MGAT5: variants seen among roughly 807,000 people sequenced by gnomAD.
The protein encoded by MGAT5 is alpha-1,6-mannosylglycoprotein 6-beta-N-acetylglucosaminyltransferase, also known as alpha-1,6-mannosylglycoprotein 6-beta-N-acetylglucosaminyltransferase A.
In MGAT5, 30 loss-of-function variants were observed where a neutral mutation model predicts 94.3. The observed-to-expected ratio is 0.32, with a 90% CI of 0.24 to 0.43. The LOEUF (loss-of-function observed/expected upper bound fraction) is 0.43, where lower values mean the gene tolerates loss of function less well. Ranked by LOEUF, MGAT5 falls within the 20% of genes least tolerant of loss-of-function variation. The pLI is 1.00. For missense variants in MGAT5, 691 were observed against 905.5 expected, an observed-to-expected ratio of 0.76 and a Z score of 3.04; for synonymous variants, 310 against 322.9, an observed-to-expected ratio of 0.96 and a Z score of 0.43.
rs1296311175 is a variant in MGAT5, at chr2:134,130,212, A to G, written c.-143+9921A>G. Reference sequence around the variant, plus strand: ...GCCATGCTGGAGCCCGCCCCGCCCCACACCGCCCCACACCGCCCCACACCG... The same window carrying G: ...GCCATGCTGGAGCCCGCCCCGCCCCGCACCGCCCCACACCGCCCCACACCG... On this transcript the variant is annotated intron_variant, in intron 1 of 16. Transcript: ENST00000409645. Among the ~76,000 whole-genome samples, 21 of 35,252 alleles carry G rather than the reference A, an allele frequency of 6.0e-4. No homozygotes were observed. The South Asian group carries it at 8.3e-3, about 14-fold the overall frequency. 23.1% of individuals were successfully genotyped at this position (35,252 alleles called of 152,430 possible).
Position 134,212,331 on chromosome 2 carries a change from G to A in MGAT5, c.-142-41931G>A, listed in dbSNP as rs1176229455. On this transcript the variant is annotated intron_variant, in intron 1 of 16. Transcript: ENST00000409645. ...TCCTGCTTTCTCTTGTAGGCATTTA[G>A]TGCTATAAATTTCCCTCTACACACT... 1.2e-4 allele frequency among the ~76,000 whole-genome samples: 3 copies of A among 24,274 alleles called. 1 individual carries two copies. The highest frequency in any genetic ancestry group is 1.8e-4 in the Non-Finnish European group (3 of 17,026). The allele number at this position is 24,274 out of a possible 152,430, so 15.9% of individuals were successfully genotyped here. A position where few individuals can be genotyped will look rare whatever the true frequency, so the allele number is the denominator to read the frequency against.
At position 134,202,632 on chromosome 2, in the gene MGAT5, T is replaced by A. The variant is rs1276392312; in HGVS notation, c.-142-51630T>A. Among the ~76,000 whole-genome samples the A allele has an allele frequency of 6.6e-5, 10 of 152,348 alleles. No individual in the cohort carries two copies. The East Asian group carries it at 1.7e-3, about 26-fold the overall frequency. The stretch of plus-strand genomic sequence containing the variant: ...TGCCAGCCTCTACAGCCCAGCTCAC[T>A]TTGTGGGGATGGGTGGGGTAGGAAT... On this transcript the variant is annotated intron_variant, in intron 1 of 16. Coordinates refer to the MGAT5 transcript ENST00000409645.
At chr2:134,250,247 T>C (rs1682514193), upstream of MGAT5, among the ~76,000 whole-genome samples, 1 of 152,190 alleles carries the variant, frequency 6.6e-6, no homozygotes. Context: ...TGGAAGTGAA[T>C]TGATGAAGTC....
At position 134,327,319 on chromosome 2, in the gene MGAT5, C is replaced by T. The variant is rs369110122; in HGVS notation, c.573+8580C>T. 4.6e-5 allele frequency among the ~76,000 whole-genome samples: 7 copies of T among 152,082 alleles called. No homozygotes were observed. In the East Asian group the frequency reaches 9.6e-4, roughly 21 times the overall value. ...GAAACTGAGGGTGGTACCGAACCCTCCATATACTATACTTTTTTCTTCTTC... is the reference window on the plus strand; with the variant it reads ...GAAACTGAGGGTGGTACCGAACCCTTCATATACTATACTTTTTTCTTCTTC... On this transcript the variant is annotated intron_variant, in intron 4 of 15. Coordinates refer to ENST00000281923, the MANE Select transcript of MGAT5 (RefSeq NM_002410.5).
intron 1 of MGAT5, among the ~76,000 whole-genome samples, chr2:134,169,507 T>C (rs1688110481): frequency 6.6e-6 from 1 of 151,962 alleles, no homozygotes; most frequent in South Asian, 2.1e-4. Flanking sequence ...TGAGTTATAA[T>C]TAAGAAAGGG....
chr2:134,308,615 A>T (rs1686473808), intron 2 of MGAT5, among the ~76,000 whole-genome samples: 1 of 152,220 alleles, frequency 6.6e-6, no homozygotes, highest in South Asian at 2.1e-4. Flanking sequence ...TGAAATCATG[A>T]CAAATGCTCT....
chr2:134,264,310 C>T (rs1558743290), intron 1 of MGAT5, among the ~76,000 whole-genome samples: 1 of 152,152 alleles, frequency 6.6e-6, no homozygotes, highest in East Asian at 1.9e-4. Context: ...GCATGAGCCA[C>T]CGCACCCGGC....
intron 10 of MGAT5, among the ~76,000 whole-genome samples, chr2:134,393,791 G>C (rs939847567): frequency 2.0e-5 from 3 of 152,134 alleles, no homozygotes; most frequent in Admixed American, 6.5e-5. Flanking sequence ...ATGGTGGCCT[G>C]GTCTCATGTT....
At chr2:134,416,801 T>TA (rs1181813525) in intron 12 of MGAT5, among the ~76,000 whole-genome samples, 1 of 150,342 alleles carries the variant, frequency 6.7e-6, no homozygotes, top group African/African-American at 2.5e-5. Context: ...ACAAAGGTCT[T>TA]ACTATGTTGC....
At chr2:134,213,838 G>T (rs1359847021) in intron 1 of MGAT5, among the ~76,000 whole-genome samples, 1 of 152,160 alleles carries the variant, frequency 6.6e-6, no homozygotes, top group African/African-American at 2.4e-5. Flanking sequence ...CCTTCTTGGC[G>T]CATGGTTGTG....
chr2:134,222,362 C>T (rs1185919680), intron 1 of MGAT5, among the ~76,000 whole-genome samples: 5 of 152,018 alleles, frequency 3.3e-5, no homozygotes, highest in Non-Finnish European at 1.5e-5. Flanking sequence ...AAAACCCCTG[C>T]GTGCATCATT....
chr2:134,207,679 C>T (rs1273747757), intron 1 of MGAT5, among the ~76,000 whole-genome samples: 1 of 152,092 alleles, frequency 6.6e-6, no homozygotes, highest in Non-Finnish European at 1.5e-5. Flanking sequence ...AAATCCTGAC[C>T]TTGGAAAGCC....
intron 1 of MGAT5, among the ~76,000 whole-genome samples, chr2:134,141,150 G>A (rs1173726242): frequency 6.6e-6 from 1 of 152,070 alleles, no homozygotes; most frequent in Non-Finnish European, 1.5e-5. Context: ...CTTCCCTCTC[G>A]GTCTCACATG....
At position 134,245,807 on chromosome 2, in the gene MGAT5, A is replaced by G. The variant is rs78815656; in HGVS notation, c.-142-8455A>G. Among the ~76,000 whole-genome samples, 380 of 152,226 alleles carry G rather than the reference A, an allele frequency of 2.5e-3. 1 individual carries two copies. Among genetic ancestry groups the G allele is most frequent in the Admixed American group, 4.3e-3 (66 of 15,288 alleles). On this transcript the variant is annotated intron_variant, in intron 1 of 16. Transcript: ENST00000409645. Reference sequence around the variant, plus strand: ...GCCCTGTTACAGTGTTTGGAAATTTATTTTGCTATTGATGCCAGATATGGA... The same window carrying G: ...GCCCTGTTACAGTGTTTGGAAATTTGTTTTGCTATTGATGCCAGATATGGA...
chr2:134,359,705 A>G (rs1354115049), intron 9 of MGAT5, among the ~76,000 whole-genome samples: 2 of 152,198 alleles, frequency 1.3e-5, no homozygotes, highest in African/African-American at 4.8e-5. Flanking sequence ...AAGGCAGAGC[A>G]AAAAAGAAAG....
chr2:134,294,154 A>C (rs1404417750), intron 2 of MGAT5, among the ~76,000 whole-genome samples: 4 of 152,204 alleles, frequency 2.6e-5, no homozygotes, highest in African/African-American at 4.8e-5. Context: ...TCTACCTTCC[A>C]GGGTGGCTAT....
At position 134,199,441 on chromosome 2, in the gene MGAT5, T is replaced by A. The variant is rs146071401; in HGVS notation, c.-142-54821T>A. The stretch of plus-strand genomic sequence containing the variant: ...CACCTGTGGACTCTCAGTTCTCTGG[T>A]GGAGGCTGAAATTTTAGGGCTGGCT... On this transcript the variant is annotated intron_variant, in intron 1 of 16. Transcript: ENST00000409645. Among the ~76,000 whole-genome samples the A allele has an allele frequency of 2.0e-5, 3 of 151,912 alleles. No individual in the cohort carries two copies. The East Asian group carries it at 5.8e-4, about 29-fold the overall frequency.
chr2:134,363,293 G>T (rs572521784), intron 10 of MGAT5, among the ~76,000 whole-genome samples: 2 of 152,246 alleles, frequency 1.3e-5, no homozygotes, highest in African/African-American at 4.8e-5. Context: ...GAGTACAGGT[G>T]ATGTACAGGA....
At chr2:134,294,310 T>A (rs114590314) in intron 2 of MGAT5, among the ~76,000 whole-genome samples, 1 of 152,196 alleles carries the variant, frequency 6.6e-6, no homozygotes, top group African/African-American at 2.4e-5. Flanking sequence ...TTTATTTTCA[T>A]GTTTCCAAGT....
Sources: allele counts gnomAD v4.1 joint callset (sites outside exome capture counted in the v4.1 genomes callset), GRCh38; gene constraint gnomAD v4.1.1; transcripts MANE v1.5; gene names NCBI Gene and HGNC (gene_info 2026-07-23, HGNC 2026-07-21).